NCOA1: variants seen among roughly 807,000 people sequenced by gnomAD.
The protein encoded by NCOA1 is Hin-2 protein.
A neutral mutation model predicts 150.9 loss-of-function variants in NCOA1; 35 were observed. That is an observed-to-expected ratio of 0.23 (90% CI 0.18 to 0.31). The LOEUF is 0.31. NCOA1 is among the 10% of genes least tolerant of loss of function. The pLI is 1.00. For synonymous variants in NCOA1, 590 were observed against 630.0 expected (o/e 0.94, Z 0.95); for missense variants, 1,491 against 1,749.3 (o/e 0.85, Z 2.63).
rs1429636276 is a variant in NCOA1, at chr2:24,706,833, T to C, written c.1363T>C (p.Leu455=). Residue 455 remains leucine, a synonymous_variant, in exon 13 of 23, where the codon TTA becomes CTA. Transcript: ENST00000348332. The part of the protein sequence containing the change: ...PGSQIVANVA[L]NQGQASSQSS... ...AAGTCAGATTGTAGCCAATGTTGCC[T>C]TAAACCAAGGACAGGCCAGTTCACA... is the stretch of plus-strand genomic sequence containing the variant. The C allele has an allele frequency of 1.9e-6, 3 of 1,614,180 alleles. No homozygotes were observed. Among genetic ancestry groups the C allele is most frequent in the Admixed American group, 1.7e-5 (1 of 60,030 alleles).
chr2:24,759,576 T>C (rs1664672247), intron 21 of NCOA1, among the ~76,000 whole-genome samples: 1 of 152,196 alleles, frequency 6.6e-6, no homozygotes, highest in African/African-American at 2.4e-5. Flanking sequence ...CTCTCTATAG[T>C]TGCTATTCTC....
At chr2:24,528,784 T>A (rs1228236182) in intron 1 of NCOA1, among the ~76,000 whole-genome samples, 1 of 152,234 alleles carries the variant, frequency 6.6e-6, no homozygotes, top group Non-Finnish European at 1.5e-5. Context: ...TTATGTTTAT[T>A]TTTAACCCAG....
intron 8 of NCOA1, among the ~76,000 whole-genome samples, chr2:24,685,261 G>A (rs941890362): frequency 6.3e-4 from 96 of 152,156 alleles, no homozygotes; most frequent in African/African-American, 2.1e-3. Context: ...AGATTTCAGT[G>A]TCTAAAATCT....
intron 14 of NCOA1, among the ~76,000 whole-genome samples, chr2:24,720,719 G>A (rs1674320142): frequency 6.6e-6 from 1 of 151,980 alleles, no homozygotes; most frequent in Non-Finnish European, 1.5e-5. Flanking sequence ...GAAAAAGAAA[G>A]AAAAAAGATG....
chr2:24,672,164 A>G (rs1180429480), intron 6 of NCOA1, among the ~76,000 whole-genome samples: 2 of 151,994 alleles, frequency 1.3e-5, no homozygotes, highest in Non-Finnish European at 2.9e-5. Context: ...AATCATACAT[A>G]TGTAGTAAAA....
intron 3 of NCOA1, among the ~76,000 whole-genome samples, chr2:24,631,716 G>A (rs895017342): frequency 6.6e-6 from 1 of 152,128 alleles, no homozygotes; most frequent in Non-Finnish European, 1.5e-5. Context: ...CTTTATAAAA[G>A]TCACAATCAA....
At chr2:24,732,945 A>G (rs1372732907) in intron 17 of NCOA1, among the ~76,000 whole-genome samples, 1 of 152,180 alleles carries the variant, frequency 6.6e-6, no homozygotes, top group Admixed American at 6.5e-5. Flanking sequence ...AAAAAAGTAA[A>G]AAGGGGGAAA....
At chr2:24,547,507 C>T (rs1665649939) in intron 1 of NCOA1, among the ~76,000 whole-genome samples, 2 of 152,050 alleles carry the variant, frequency 1.3e-5, no homozygotes. Context: ...TTTTTAAACC[C>T]TGATAAACTA....
At chr2:24,641,190 G>A (rs1670200564) in intron 3 of NCOA1, among the ~76,000 whole-genome samples, 1 of 151,240 alleles carries the variant, frequency 6.6e-6, no homozygotes, top group African/African-American at 2.4e-5. Flanking sequence ...AGTTAACATT[G>A]TAATACTTTA....
In NCOA1 at chr2:24,691,609, A is replaced by G. The variant is rs906945529; in HGVS notation, c.661A>G (p.Met221Val). ...NQEACQRYEV[M>V]QCFTVSQPKS... The stretch of plus-strand genomic sequence containing the variant: ...AGAAGCTTGCCAGCGTTATGAAGTA[A>G]TGCAGTGTTTCACTGTGTCACAGCC... The change falls in exon 9 of 23, where the codon ATG becomes GTG. Residue 221 changes from methionine to valine, a missense_variant. Around this residue, in one of 8 missense-constraint regions of NCOA1, gnomAD observed 99 missense variants for 122.8 expected, o/e 0.81. Transcript: ENST00000348332. 4 of 1,614,052 alleles carry G rather than the reference A, an allele frequency of 2.5e-6. No homozygotes were observed. The highest frequency in any genetic ancestry group is 3.4e-6 in the Non-Finnish European group (4 of 1,180,008).
intron 2 of NCOA1, among the ~76,000 whole-genome samples, chr2:24,579,905 G>A (rs944717334): frequency 5.9e-5 from 9 of 152,200 alleles, no homozygotes; most frequent in African/African-American, 1.7e-4. Flanking sequence ...CTCTTCAGTT[G>A]AAGATAAATT....
chr2:24,525,391 A>G (rs1664604410), intron 1 of NCOA1, among the ~76,000 whole-genome samples: 1 of 152,234 alleles, frequency 6.6e-6, no homozygotes, highest in South Asian at 2.1e-4. Flanking sequence ...AATCAAGGAT[A>G]CAGAGAACAA....
chr2:24,634,708 ACCCCCCCCCC>A (rs530645429), intron 3 of NCOA1, among the ~76,000 whole-genome samples: 2 of 39,716 alleles, frequency 5.0e-5, no homozygotes, highest in East Asian at 9.3e-4. Context: ...TAGGGGAGGA[ACCCCCCCCCC>A]CCCCGCCCCC....
intron 2 of NCOA1, among the ~76,000 whole-genome samples, chr2:24,573,159 T>C (rs1430787760): frequency 6.6e-6 from 1 of 152,124 alleles, no homozygotes; most frequent in Non-Finnish European, 1.5e-5. Context: ...ATGTGGTCTA[T>C]ATAGAATGTG....
chr2:24,593,787 T>G (rs2148340224), intron 3 of NCOA1, among the ~76,000 whole-genome samples: 1 of 152,296 alleles, frequency 6.6e-6, no homozygotes, highest in South Asian at 2.1e-4. Context: ...CGTACAGGTA[T>G]TCACATATGA....
At chr2:24,588,080 C>G (rs891781552) in intron 3 of NCOA1, among the ~76,000 whole-genome samples, 23 of 151,942 alleles carry the variant, frequency 1.5e-4, no homozygotes, top group Admixed American at 3.9e-4. Context: ...GTGGGCTTTC[C>G]CTCCCCTCCC....
chr2:24,619,793 T>C (rs546836787), intron 3 of NCOA1, among the ~76,000 whole-genome samples: 10 of 152,296 alleles, frequency 6.6e-5, no homozygotes, highest in Admixed American at 2.6e-4. Context: ...AAAATAATTA[T>C]AGTTATATAA....
intron 3 of NCOA1, among the ~76,000 whole-genome samples, chr2:24,601,612 C>CTTTTTTTTTT (rs112063269): frequency 7.6e-6 from 1 of 131,986 alleles, no homozygotes. Flanking sequence ...CTCCTTCCTC[C>CTTTTTTTTTT]TTTTTTTTTT....
chr2:24,604,506 A>G (rs1473172142), intron 3 of NCOA1, among the ~76,000 whole-genome samples: 1 of 152,224 alleles, frequency 6.6e-6, no homozygotes, highest in Non-Finnish European at 1.5e-5. Flanking sequence ...CAGTATGTCC[A>G]TCAGCACTTG....
Sources: gnomAD v4.1 joint callset for allele counts (sites outside exome capture counted in the v4.1 genomes callset) on GRCh38, gnomAD v4.1.1 for gene constraint, gnomAD v4.1.1 regional missense constraint, MANE v1.5 for transcripts, NCBI Gene and HGNC (gene_info 2026-07-23, HGNC 2026-07-21) for gene names.